Variants in ELAVL4 observed in about 807,000 individuals in gnomAD.
ELAVL4 encodes ELAV like RNA binding protein 4, also known as ELAV-like protein 4.
In ELAVL4, 1 loss-of-function variant was observed where a neutral mutation model predicts 35.6. The ratio of observed to expected loss-of-function variants is 0.03; its 90% CI spans 0.01 to 0.13. The LOEUF (loss-of-function observed/expected upper bound fraction) is 0.13, where lower values mean the gene tolerates loss of function less well. ELAVL4 is among the 10% of genes least tolerant of loss of function. ELAVL4 has a pLI of 1.00. For missense variants in ELAVL4, 267 were observed against 464.9 expected (o/e 0.57, Z 3.91); for synonymous variants, 156 against 171.0 (o/e 0.91, Z 0.69).
At chr1:50,121,931 T>C (rs915341803) in intron 1 of ELAVL4, among the ~76,000 whole-genome samples, 10 of 152,094 alleles carry the variant, frequency 6.6e-5, no homozygotes, top group African/African-American at 2.4e-4. Flanking sequence ...GAATGTGACC[T>C]AGAGGTGGGA....
chr1:50,055,298 T>A (rs1572097839), intron 1 of ELAVL4, among the ~76,000 whole-genome samples: 1 of 151,848 alleles, frequency 6.6e-6, no homozygotes, highest in South Asian at 2.1e-4. Context: ...TTGTTTTTGT[T>A]TTTGTTTTTG....
intron 1 of ELAVL4, among the ~76,000 whole-genome samples, chr1:50,115,554 A>G (rs554733287): frequency 6.6e-6 from 1 of 152,284 alleles, no homozygotes; most frequent in East Asian, 1.9e-4. Flanking sequence ...ACTATAAAAT[A>G]TAGTTCATAA....
chr1:50,126,321 G>C (rs934615461), intron 1 of ELAVL4, among the ~76,000 whole-genome samples: 1 of 152,144 alleles, frequency 6.6e-6, no homozygotes, highest in African/African-American at 2.4e-5. Flanking sequence ...GGTGTCACAG[G>C]CTTTTAGAGG....
intron 1 of ELAVL4, chr1:50,109,777 C>G: frequency 1.3e-6 from 1 of 749,666 alleles, no homozygotes; most frequent in Non-Finnish European, 2.3e-6. Flanking sequence ...GTCATGACCT[C>G]ATAAAAAAGA....
intron 1 of ELAVL4, among the ~76,000 whole-genome samples, chr1:50,128,713 T>A (rs1350817162): frequency 6.6e-6 from 1 of 152,004 alleles, no homozygotes. Flanking sequence ...AGGGAGTGCT[T>A]ATGTGCAGAG....
intron 1 of ELAVL4, among the ~76,000 whole-genome samples, chr1:50,081,904 C>T (rs181134233): frequency 3.3e-3 from 496 of 152,160 alleles, no homozygotes; most frequent in Non-Finnish European, 5.8e-3. Flanking sequence ...TGTTCAACTC[C>T]CATTTATGAG....
At chr1:50,060,118 T>C (rs1663883624) in intron 1 of ELAVL4, among the ~76,000 whole-genome samples, 1 of 152,240 alleles carries the variant, frequency 6.6e-6, no homozygotes, top group Non-Finnish European at 1.5e-5. Flanking sequence ...TAAAGTATTT[T>C]TCAAATATTC....
At chr1:50,186,657 A>G (rs1405032590) in intron 3 of ELAVL4, among the ~76,000 whole-genome samples, 2 of 152,212 alleles carry the variant, frequency 1.3e-5, no homozygotes, top group East Asian at 3.8e-4. Context: ...GGACATATTC[A>G]GAAAACTGTG....
intron 5 of ELAVL4, 114 bp from the exon 6 acceptor site, chr1:50,197,315 G>C: frequency 1.8e-6 from 2 of 1,090,810 alleles, no homozygotes; most frequent in Non-Finnish European, 2.6e-6. Context: ...CTAAGCAGTG[G>C]GGAAAGTTGT....
exon 1 of ELAVL4, chr1:50,048,066 G>A: frequency 1.5e-6 from 2 of 1,363,392 alleles, no homozygotes; most frequent in Non-Finnish European, 1.9e-6. Flanking sequence ...GAGCGAGCTA[G>A]AGAGCGAGAG....
Position 50,076,305 on chromosome 1 carries a change from G to A in ELAVL4, c.18+28123G>A, listed in dbSNP as rs146747589. ...GTACTTGACCTTGATCCCAACCTTC[G>A]TCAAAAATGCTACATACAGTAAGAT... On this transcript the variant is annotated intron_variant, in intron 1 of 6. Transcript: ENST00000448907. Among the ~76,000 whole-genome samples, 1,165 of 152,174 alleles carry A rather than the reference G, an allele frequency of 7.7e-3. 12 individuals are homozygous for A. The highest frequency in any genetic ancestry group is 9.6e-3 in the Admixed American group (147 of 15,280).
At chr1:50,070,630 T>C (rs1273393762) in intron 1 of ELAVL4, among the ~76,000 whole-genome samples, 1 of 150,790 alleles carries the variant, frequency 6.6e-6, no homozygotes, top group African/African-American at 2.4e-5. Flanking sequence ...TAATCCCACC[T>C]ACTTAAAGGG....
intron 1 of ELAVL4, chr1:50,109,809 C>T (rs1258015939): frequency 1.9e-6 from 2 of 1,080,566 alleles, no homozygotes; most frequent in Non-Finnish European, 2.8e-6. Context: ...GTATGTGTAG[C>T]AGTGCCTGGC....
At chr1:50,085,767 G>T (rs1407207573) in intron 1 of ELAVL4, among the ~76,000 whole-genome samples, 1 of 152,102 alleles carries the variant, frequency 6.6e-6, no homozygotes, top group African/African-American at 2.4e-5. Context: ...TTAATGCATG[G>T]CATAGTAAAT....
intron 1 of ELAVL4, chr1:50,110,011 G>C: frequency 6.2e-7 from 1 of 1,603,238 alleles, no homozygotes; most frequent in Non-Finnish European, 8.5e-7. Context: ...CCCTGTGTGT[G>C]TGTGTGTGTG....
At chr1:50,144,434 A>G in intron 1 of ELAVL4, 1 of 347,382 alleles carries the variant, frequency 2.9e-6, no homozygotes, top group Middle Eastern at 3.8e-4. Context: ...AAATTTGATC[A>G]GTGATTAAGC....
intron 5 of ELAVL4, 63 bp downstream of exon 5, chr1:50,195,849 G>A: frequency 6.3e-7 from 1 of 1,587,674 alleles, no homozygotes; most frequent in South Asian, 1.1e-5. Flanking sequence ...AAGAGCCAGG[G>A]AAGCCCATGG....
At chr1:50,156,065 T>C (rs950232972) in intron 2 of ELAVL4, among the ~76,000 whole-genome samples, 2 of 151,336 alleles carry the variant, frequency 1.3e-5, no homozygotes, top group African/African-American at 2.4e-5. Flanking sequence ...CCCAAACACT[T>C]TTCTGGCAGG....
chr1:50,125,939 T>C (rs919406247), intron 1 of ELAVL4, among the ~76,000 whole-genome samples: 3 of 152,100 alleles, frequency 2.0e-5, no homozygotes, highest in African/African-American at 4.8e-5. Flanking sequence ...AGTTTCCTTA[T>C]CTGTAAAATT....
Sources: gnomAD v4.1 joint callset for allele counts (sites outside exome capture counted in the v4.1 genomes callset) on GRCh38, gnomAD v4.1.1 for gene constraint, MANE v1.5 for transcripts, NCBI Gene and HGNC (gene_info 2026-07-23, HGNC 2026-07-21) for gene names.